Variants in ERCC6L2 observed in about 807,000 individuals in gnomAD.
The protein encoded by ERCC6L2 is DNA excision repair protein ERCC-6-like 2.
Under a neutral mutation model 132.0 loss-of-function variants are expected in ERCC6L2, and 77 were observed. The ratio of observed to expected loss-of-function variants is 0.58; its 90% CI spans 0.49 to 0.71. The LOEUF (loss-of-function observed/expected upper bound fraction) is 0.71. ERCC6L2 is among the 30% of genes least tolerant of loss of function. The pLI is 0.00. For synonymous variants in ERCC6L2, 583 were observed against 632.4 expected, an observed-to-expected ratio of 0.92 and a Z score of 1.17; for missense variants, 1,542 against 1,837.6, an observed-to-expected ratio of 0.84 and a Z score of 2.94.
intron 17 of ERCC6L2, among the ~76,000 whole-genome samples, chr9:96,002,016 C>CG (rs1833701373): frequency 6.6e-6 from 1 of 152,260 alleles, no homozygotes; most frequent in Non-Finnish European, 1.5e-5. Context: ...GCTCCGAGTG[C>CG]GGGGCGCACC....
Position 96,013,209 on chromosome 9 carries a change from T to C in ERCC6L2, c.*6T>C, listed in dbSNP as rs1834096739. 1 of 1,343,918 alleles carries C rather than the reference T, an allele frequency of 7.4e-7. No individual in the cohort carries two copies. Among genetic ancestry groups the C allele is most frequent in the Non-Finnish European group, 9.9e-7 (1 of 1,012,720 alleles). 83.2% of individuals were successfully genotyped at this position (1,343,918 alleles called of 1,614,324 possible). On this transcript the variant is annotated 3_prime_UTR_variant, in exon 19 of 19. Transcript: ENST00000653738. ...ATACACAGAGTACCACATAAGCATA[T>C]AAATGAATTACTGCACCAGTAAACT... is the stretch of plus-strand genomic sequence containing the variant.
chr9:96,002,061 C>T (rs1027483717), intron 17 of ERCC6L2, among the ~76,000 whole-genome samples: 17 of 152,254 alleles, frequency 1.1e-4, no homozygotes, highest in African/African-American at 3.6e-4. Context: ...AGCTGGCCCA[C>T]AAGCGCCACA....
chr9:95,975,834 C>T (rs1357384588), intron 16 of ERCC6L2, among the ~76,000 whole-genome samples: 2 of 151,568 alleles, frequency 1.3e-5, no homozygotes, highest in African/African-American at 2.4e-5. Flanking sequence ...TGTGTTTATT[C>T]CCACTTATGT....
At chr9:95,923,687 CAGA>C (rs1829978844) in intron 9 of ERCC6L2, among the ~76,000 whole-genome samples, 1 of 152,138 alleles carries the variant, frequency 6.6e-6, no homozygotes, top group Admixed American at 6.5e-5. Context: ...AGCTTGTCTT[CAGA>C]TGTTTAAGGA....
At chr9:96,020,786 G>A (rs549952359), downstream of ERCC6L2, 9 of 456,778 alleles carry the variant, frequency 2.0e-5, no homozygotes, top group African/African-American at 1.8e-4. Flanking sequence ...ACGGGCCTAA[G>A]AGAATGGGAA....
chr9:95,918,212 T>C, intron 6 of ERCC6L2: 3 of 466,840 alleles, frequency 6.4e-6, no homozygotes. Flanking sequence ...GTAGACATGA[T>C]GAGACAAGCT....
In ERCC6L2 at chr9:95,907,343, T is replaced by TTG; in HGVS notation, c.788+73_788+74insGT. 6.3e-6 allele frequency: 7 copies of TTG among 1,112,536 alleles called. No homozygotes were observed. In the South Asian group the frequency reaches 8.4e-5, roughly 13 times the overall value. 68.9% of individuals were successfully genotyped at this position (1,112,536 alleles called of 1,614,324 possible). ...TACATCCCTTTATATTAAGAGTTTT[T>TTG]TTTTTTTTTTTTTTGAGACAGAGTC... On this transcript the variant is annotated intron_variant, in intron 4 of 18. Transcript: ENST00000653738.
chr9:95,971,364 A>G (rs952849584), intron 15 of ERCC6L2, among the ~76,000 whole-genome samples: 13 of 152,210 alleles, frequency 8.5e-5, no homozygotes, highest in African/African-American at 3.1e-4. Flanking sequence ...ACTAGGTTAT[A>G]TTTAACTCTG....
chr9:95,966,597 C>A lies in ERCC6L2; in HGVS notation c.1983C>A (p.Ala661=). The change falls in exon 14 of 19, where the codon GCC becomes GCA. Residue 661 remains alanine (A), a synonymous_variant. Transcript: ENST00000653738. The part of the protein sequence containing the change: ...LHCVVVGSEN[A]KRYFEAVQGS... Reference sequence around the variant, plus strand: ...GTGTGGTGGTTGGAAGTGAAAATGCCAAACGATATTTTGAAGCAGTTCAAG... The same window carrying A: ...GTGTGGTGGTTGGAAGTGAAAATGCAAAACGATATTTTGAAGCAGTTCAAG... 1 of 1,527,712 alleles carries A rather than the reference C, an allele frequency of 6.5e-7. No homozygotes were observed. The highest frequency in any genetic ancestry group is 8.9e-7 in the Non-Finnish European group (1 of 1,120,592). The allele number at this position is 1,527,712 out of a possible 1,614,324, so 94.6% of individuals were successfully genotyped here.
At chr9:95,984,317 TTA>T (rs1412860499) in intron 17 of ERCC6L2, among the ~76,000 whole-genome samples, 1 of 149,722 alleles carries the variant, frequency 6.7e-6, no homozygotes. Context: ...TAAATATATA[TTA>T]TATGTGTATA....
In ERCC6L2 at chr9:96,018,258, A is replaced by G. The variant is rs1026385401; in HGVS notation, c.*5055A>G. On this transcript the variant is annotated 3_prime_UTR_variant, in exon 19 of 19. Coordinates refer to ENST00000653738, the MANE Select transcript of ERCC6L2 (RefSeq NM_020207.7). ...TTTTGTATGTGTTTTACAATTTTAA[A>G]AATGGAAAAAAAGTAAGACCAAAAG... is the stretch of plus-strand genomic sequence containing the variant. Among the ~76,000 whole-genome samples, 2 of 152,222 alleles carry G rather than the reference A, an allele frequency of 1.3e-5. No individual in the cohort carries two copies. The highest frequency in any genetic ancestry group is 6.5e-5 in the Admixed American group (1 of 15,286).
intron 2 of ERCC6L2, among the ~76,000 whole-genome samples, chr9:95,890,905 C>G (rs1352895784): frequency 1.3e-5 from 2 of 152,142 alleles, no homozygotes; most frequent in Admixed American, 1.3e-4. Flanking sequence ...CTGAGCTTGC[C>G]CGCTTCTGCC....
At chr9:95,889,563 G>A (rs1018007582) in intron 2 of ERCC6L2, among the ~76,000 whole-genome samples, 5 of 151,984 alleles carry the variant, frequency 3.3e-5, no homozygotes, top group Non-Finnish European at 5.9e-5. Flanking sequence ...TACTTAATGA[G>A]CTTTGACAAA....
intron 6 of ERCC6L2, among the ~76,000 whole-genome samples, chr9:95,920,872 G>A (rs1829831128): frequency 6.6e-6 from 1 of 152,188 alleles, no homozygotes; most frequent in Non-Finnish European, 1.5e-5. Context: ...TGACTCCTTG[G>A]TTCAAGCGAT....
At chr9:95,997,144 GGCAA>G (rs533626718) in intron 17 of ERCC6L2, among the ~76,000 whole-genome samples, 4,833 of 152,226 alleles carry the variant, frequency 0.032, 276 homozygotes, top group African/African-American at 0.11. Flanking sequence ...GGTGGACTTG[GGCAA>G]AGTCAGTTGT....
chr9:95,953,084 G>A (rs530929111), intron 12 of ERCC6L2, among the ~76,000 whole-genome samples: 2 of 152,286 alleles, frequency 1.3e-5, no homozygotes, highest in South Asian at 4.1e-4. Context: ...CTGGAGAATG[G>A]GGAGTTATTG....
chr9:95,987,797 T>G (rs1833151515), intron 17 of ERCC6L2, among the ~76,000 whole-genome samples: 1 of 152,246 alleles, frequency 6.6e-6, no homozygotes, highest in Non-Finnish European at 1.5e-5. Context: ...ATTTCCCTTC[T>G]GCACTGCCCT....
In ERCC6L2 at chr9:95,915,670, T is replaced by C. The variant is rs764483428; in HGVS notation, c.791T>C (p.Leu264Ser). Residue 264 changes from leucine (L) to serine (S), a missense_variant and splice_region_variant, in exon 5 of 19, where the codon TTG (leucine) becomes TCG (serine). Transcript: ENST00000653738. Reference sequence around the variant, plus strand: ...CCTTCTTTTTTCTTACTTTATAGTTTGGAATGGTCAGCTGTCATTGTGGAT... The same window carrying C: ...CCTTCTTTTTTCTTACTTTATAGTTCGGAATGGTCAGCTGTCATTGTGGAT... ...LRLCLDELNSLEWSAVIVDEA... is the reference protein window; with the variant it reads ...LRLCLDELNSSEWSAVIVDEA... 3 of 1,608,306 alleles carry C rather than the reference T, an allele frequency of 1.9e-6. No individual in the cohort carries two copies. The highest frequency in any genetic ancestry group is 3.4e-5 in the Admixed American group (2 of 58,876).
chr9:95,990,994 C>T (rs1470396432), intron 17 of ERCC6L2, among the ~76,000 whole-genome samples: 6 of 152,156 alleles, frequency 3.9e-5, no homozygotes, highest in South Asian at 2.1e-4. Context: ...TGGCCATCTC[C>T]AGCCAGGCCC....
Sources: gnomAD v4.1 joint callset for allele counts (sites outside exome capture counted in the v4.1 genomes callset) on GRCh38, gnomAD v4.1.1 for gene constraint, MANE v1.5 for transcripts, NCBI Gene and HGNC (gene_info 2026-07-23, HGNC 2026-07-21) for gene names.